The following SMYD3 variants were observed in gnomAD, a reference collection of about 807,000 sequenced individuals.
SMYD3 encodes the protein SET and MYND domain containing 3.
SMYD3 carries 36 observed loss-of-function variants against 57.7 expected under a neutral mutation model. The ratio of observed to expected loss-of-function variants is 0.62; its 90% CI spans 0.48 to 0.82. The LOEUF (loss-of-function observed/expected upper bound fraction) is 0.82, where lower values mean the gene tolerates loss of function less well. Among genes scored for constraint, SMYD3 ranks in the 40% least tolerant of loss-of-function variants. The pLI is 0.00. For missense variants in SMYD3, 515 were observed against 538.8 expected (o/e 0.96, Z 0.44); for synonymous variants, 211 against 195.0 (o/e 1.08, Z -0.68).
chr1:246,219,715 C>T (rs1477526359), intron 5 of SMYD3, among the ~76,000 whole-genome samples: 2 of 152,184 alleles, frequency 1.3e-5, no homozygotes, highest in Non-Finnish European at 2.9e-5. Flanking sequence ...CCCTCTGGGG[C>T]TTTCGTGGTC....
chr1:246,276,581 G>A (rs1332163824), intron 5 of SMYD3, among the ~76,000 whole-genome samples: 1 of 151,016 alleles, frequency 6.6e-6, no homozygotes, highest in Non-Finnish European at 1.5e-5. Context: ...TGATGCCCAT[G>A]TTTGAACACT....
Position 245,823,501 on chromosome 1 carries a change from G to A in SMYD3, c.1076+34995C>T, listed in dbSNP as rs77641507. On this transcript the variant is annotated intron_variant, in intron 10 of 11. Transcript: ENST00000490107. ...GCCGCGCACTACTGCGATTTCCTGG[G>A]CCAAATGCATTGTTCAGGCAAAGCT... Among the ~76,000 whole-genome samples, 1,076 of 152,272 alleles carry A rather than the reference G, an allele frequency of 7.1e-3. 9 individuals are homozygous for A. Among genetic ancestry groups the A allele is most frequent in the African/African-American group, 0.024 (1,010 of 41,536 alleles).
intron 5 of SMYD3, among the ~76,000 whole-genome samples, chr1:246,044,759 C>T (rs2059933056): frequency 6.6e-6 from 1 of 152,148 alleles, no homozygotes. Context: ...ATTACTTAAA[C>T]ATGATAAGAA....
rs138472687 is a variant in SMYD3 at position 246,100,219 on chromosome 1, A to C, written c.532-170282T>G. Among the ~76,000 whole-genome samples, 380 of 152,308 alleles carry C rather than the reference A, an allele frequency of 2.5e-3. 1 individual carries two copies. The highest frequency in any genetic ancestry group is 8.1e-3 in the African/African-American group (337 of 41,572). On this transcript the variant is annotated intron_variant, in intron 5 of 11. Transcript: ENST00000490107. The stretch of plus-strand genomic sequence containing the variant: ...AGCAAGACTTCAACGCATTAAAACA[A>C]AAAAAAGTTTATTTTAGATTAGTAT...
intron 10 of SMYD3, among the ~76,000 whole-genome samples, chr1:245,854,618 G>A (rs1247485287): frequency 2.6e-5 from 4 of 151,434 alleles, no homozygotes; most frequent in South Asian, 2.1e-4. Context: ...TCTTTTTCCC[G>A]CACACTAAGG....
intron 10 of SMYD3, among the ~76,000 whole-genome samples, chr1:245,833,073 A>AACAACAAAAAAAAAAAAACACAAC (rs36111391): frequency 7.8e-6 from 1 of 128,652 alleles, no homozygotes; most frequent in Non-Finnish European, 1.6e-5. Context: ...AAAAAAAAAA[A>AACAACAAAAAAAAAAAAACACAAC]AACCTGCTTT....
At chr1:246,149,312 T>C (rs1256571134) in intron 5 of SMYD3, among the ~76,000 whole-genome samples, 1 of 152,204 alleles carries the variant, frequency 6.6e-6, no homozygotes, top group Non-Finnish European at 1.5e-5. Flanking sequence ...GGGCTCGACT[T>C]AGAATTTAGG....
chr1:245,914,578 A>T (rs2055256934), intron 8 of SMYD3, among the ~76,000 whole-genome samples: 1 of 152,204 alleles, frequency 6.6e-6, no homozygotes, highest in Non-Finnish European at 1.5e-5. Context: ...AATGGATTTC[A>T]TGGAAGTAGA....
At chr1:246,340,010 AC>A (rs2065606805) in intron 2 of SMYD3, among the ~76,000 whole-genome samples, 1 of 152,096 alleles carries the variant, frequency 6.6e-6, no homozygotes, top group African/African-American at 2.4e-5. Flanking sequence ...CAGCACAAAA[AC>A]AGATCAAGAC....
At chr1:246,280,496 G>A (rs2064420351) in intron 5 of SMYD3, among the ~76,000 whole-genome samples, 1 of 152,138 alleles carries the variant, frequency 6.6e-6, no homozygotes, top group African/African-American at 2.4e-5. Context: ...TCTTAGAGAA[G>A]CTGGGCACAG....
At chr1:246,392,736 A>T (rs1438645549) in intron 1 of SMYD3, among the ~76,000 whole-genome samples, 1 of 151,668 alleles carries the variant, frequency 6.6e-6, no homozygotes, top group Non-Finnish European at 1.5e-5. Context: ...GTGTGAGCCC[A>T]CCATGCCTGG....
At chr1:245,818,796 A>T (rs1191622598) in intron 10 of SMYD3, among the ~76,000 whole-genome samples, 1 of 151,922 alleles carries the variant, frequency 6.6e-6, no homozygotes, top group African/African-American at 2.4e-5. Flanking sequence ...AGAGACAAAG[A>T]AGGCCATTAC....
chr1:246,051,600 G>C (rs1232044153), intron 5 of SMYD3, among the ~76,000 whole-genome samples: 1 of 143,304 alleles, frequency 7.0e-6, no homozygotes. Context: ...CCTGACACCA[G>C]AAAAAAATAG....
At chr1:245,773,769 A>G (rs1206028371) in intron 10 of SMYD3, among the ~76,000 whole-genome samples, 2 of 152,238 alleles carry the variant, frequency 1.3e-5, no homozygotes, top group Non-Finnish European at 2.9e-5. Flanking sequence ...TACATCCTTG[A>G]GAAAAAATGG....
intron 1 of SMYD3, among the ~76,000 whole-genome samples, chr1:246,496,222 G>C (rs1333526727): frequency 6.6e-6 from 1 of 151,736 alleles, no homozygotes; most frequent in Non-Finnish European, 1.5e-5. Flanking sequence ...TTTTAGTAGA[G>C]ATGGGATTTC....
chr1:245,844,313 C>T (rs1365064521), intron 10 of SMYD3, among the ~76,000 whole-genome samples: 6 of 152,048 alleles, frequency 3.9e-5, no homozygotes, highest in African/African-American at 1.2e-4. Flanking sequence ...ATACATGTAC[C>T]CCATCCTTTG....
intron 5 of SMYD3, among the ~76,000 whole-genome samples, chr1:245,983,993 C>T (rs915428327): frequency 1.4e-5 from 2 of 147,832 alleles, no homozygotes; most frequent in African/African-American, 5.0e-5. Flanking sequence ...TCAATCAAGT[C>T]TACTCTTTTT....
intron 5 of SMYD3, among the ~76,000 whole-genome samples, chr1:246,091,220 A>G (rs928746889): frequency 3.9e-5 from 6 of 152,160 alleles, no homozygotes; most frequent in African/African-American, 1.4e-4. Flanking sequence ...TCCTTTCATG[A>G]AGGACTTAGC....
At chr1:245,971,645 G>A (rs891980106) in intron 5 of SMYD3, among the ~76,000 whole-genome samples, 2 of 152,168 alleles carry the variant, frequency 1.3e-5, no homozygotes, top group Non-Finnish European at 2.9e-5. Flanking sequence ...CTTGAAGGCC[G>A]CAGGGACTCT....
Sources: allele counts gnomAD v4.1 joint callset (sites outside exome capture counted in the v4.1 genomes callset), GRCh38; gene constraint gnomAD v4.1.1; transcripts MANE v1.5; gene names NCBI Gene and HGNC (gene_info 2026-07-23, HGNC 2026-07-21).